STK32C: variants seen among roughly 807,000 people sequenced by gnomAD.
The protein encoded by STK32C is serine/threonine-protein kinase 32C.
STK32C carries 31 observed loss-of-function variants against 56.5 expected under a neutral mutation model. That is an observed-to-expected ratio of 0.55 (90% CI 0.41 to 0.74). STK32C has a LOEUF of 0.74. STK32C is among the 30% of genes least tolerant of loss of function. The pLI is 0.00. For missense variants in STK32C, 544 were observed against 676.9 expected (o/e 0.80, Z 2.18); for synonymous variants, 309 against 289.4 (o/e 1.07, Z -0.69).
chr10:132,249,115 C>T (rs774768998), intron 1 of STK32C: 12 of 443,348 alleles, frequency 2.7e-5, no homozygotes, highest in South Asian at 7.9e-5. Context: ...GCATGCGTGC[C>T]GGGGCGGGGC....
intron 1 of STK32C, among the ~76,000 whole-genome samples, chr10:132,288,605 A>G (rs1400367558): frequency 6.6e-6 from 1 of 152,234 alleles, no homozygotes; most frequent in Non-Finnish European, 1.5e-5. Context: ...AAATGTGTGA[A>G]TTTTATGTAA....
At chr10:132,319,151 G>C (rs2066359423), downstream of STK32C, among the ~76,000 whole-genome samples, 1 of 147,456 alleles carries the variant, frequency 6.8e-6, no homozygotes, top group Non-Finnish European at 1.5e-5. Context: ...GTTTCACCAT[G>C]TTGGCCAGGC....
chr10:132,283,863 G>C (rs905397035), intron 1 of STK32C, among the ~76,000 whole-genome samples: 22 of 152,142 alleles, frequency 1.4e-4, no homozygotes, highest in Non-Finnish European at 2.6e-4. Flanking sequence ...ACCCCAGACT[G>C]CCCAGGAGGC....
chr10:132,319,993 C>A (rs1014247142), downstream of STK32C, among the ~76,000 whole-genome samples: 4 of 142,166 alleles, frequency 2.8e-5, no homozygotes, highest in African/African-American at 7.8e-5. Context: ...GTTCAAGCAA[C>A]AATGAGAAAA....
chr10:132,236,053 T>C (rs529773504), intron 2 of STK32C, among the ~76,000 whole-genome samples: 6 of 152,250 alleles, frequency 3.9e-5, no homozygotes, highest in Non-Finnish European at 7.4e-5. Context: ...CCCGGGTGCT[T>C]GTGGGGGGTC....
Position 132,208,240 on chromosome 10 carries a change from G to A in STK32C, c.1320-89C>T, listed in dbSNP as rs967161256. 4 of 1,249,794 alleles carry A rather than the reference G, an allele frequency of 3.2e-6. No homozygotes were observed. In the African/African-American group the frequency reaches 4.6e-5, roughly 14 times the overall value. The allele number at this position is 1,249,794 out of a possible 1,614,324, so 77.4% of individuals were successfully genotyped here. On this transcript the variant is annotated intron_variant, in intron 11 of 11. Transcript: ENST00000298630. ...ACCTGCCCACGGGCTCATGGGGTAG[G>A]CCATGGCGTGGATGCCCAAACGTGG...
intron 1 of STK32C, among the ~76,000 whole-genome samples, chr10:132,269,237 C>CTGTGTGTGTCTCCGTGCATGTGTCTGTG (rs35082499): frequency 4.0e-5 from 6 of 151,864 alleles, no homozygotes; most frequent in African/African-American, 1.5e-4. Flanking sequence ...GTGCATGTGT[C>CTGTGTGTGTCTCCGTGCATGTGTCTGTG]TGTGTCTCCG....
At chr10:132,330,976 G>A (rs2066682002) in intron 1 of STK32C, among the ~76,000 whole-genome samples, 1 of 151,264 alleles carries the variant, frequency 6.6e-6, no homozygotes, top group South Asian at 2.1e-4. Context: ...GCCGAGGGGG[G>A]CGGATCATGA....
upstream of STK32C, among the ~76,000 whole-genome samples, chr10:132,308,543 A>G (rs12247664): frequency 4.7e-3 from 583 of 124,294 alleles, 2 homozygotes; most frequent in African/African-American, 0.017. Flanking sequence ...AGGAGGCGGC[A>G]GGCTGAGTCC....
upstream of STK32C, among the ~76,000 whole-genome samples, chr10:132,312,697 C>T (rs953284585): frequency 2.6e-5 from 4 of 152,258 alleles, no homozygotes; most frequent in Non-Finnish European, 4.4e-5. Context: ...AGCCCCCAAC[C>T]GATGGGACAG....
chr10:132,266,125 C>T (rs1355389110), intron 1 of STK32C, among the ~76,000 whole-genome samples: 7 of 152,306 alleles, frequency 4.6e-5, no homozygotes, highest in East Asian at 3.9e-4. Flanking sequence ...TATATCCATA[C>T]GATGGAATAC....
intron 2 of STK32C, among the ~76,000 whole-genome samples, chr10:132,236,952 G>GT (rs1447672499): frequency 6.6e-6 from 1 of 152,186 alleles, no homozygotes; most frequent in Non-Finnish European, 1.5e-5. Flanking sequence ...GCCAAGGTCT[G>GT]TAAGTACTAG....
chr10:132,269,833 G>T (rs2064758135), intron 1 of STK32C, among the ~76,000 whole-genome samples: 1 of 152,218 alleles, frequency 6.6e-6, no homozygotes, highest in African/African-American at 2.4e-5. Flanking sequence ...AGAGGTTGGT[G>T]TTGGGAGGAG....
At chr10:132,220,513 C>T (rs910416813) in intron 10 of STK32C, among the ~76,000 whole-genome samples, 1 of 152,204 alleles carries the variant, frequency 6.6e-6, no homozygotes, top group African/African-American at 2.4e-5. Context: ...GGGAACACCA[C>T]GTCCTCACAT....
chr10:132,281,048 A>C (rs903174649), intron 1 of STK32C, among the ~76,000 whole-genome samples: 1 of 145,390 alleles, frequency 6.9e-6, no homozygotes, highest in African/African-American at 2.6e-5. Flanking sequence ...CCGTGATCAC[A>C]CCCCTGCACT....
chr10:132,240,634 G>T (rs996286819), intron 2 of STK32C, among the ~76,000 whole-genome samples: 12 of 152,130 alleles, frequency 7.9e-5, no homozygotes, highest in Admixed American at 2.0e-4. Context: ...AAGGCCTTTT[G>T]ACCTGTTTTC....
At chr10:132,245,710 T>C (rs746105698) in intron 2 of STK32C, among the ~76,000 whole-genome samples, 190 bp downstream of exon 2, 1 of 152,240 alleles carries the variant, frequency 6.6e-6, no homozygotes, top group Non-Finnish European at 1.5e-5. Context: ...CCCAGTCTGA[T>C]GGCGGCACAG....
chr10:132,225,707 C>T, intron 5 of STK32C, 40 bp downstream of exon 5: 1 of 1,613,316 alleles, frequency 6.2e-7, no homozygotes, highest in Non-Finnish European at 8.5e-7. Flanking sequence ...CCCATCCCTG[C>T]CACCACCCAC....
chr10:132,216,067 A>G (rs894792321), intron 10 of STK32C, among the ~76,000 whole-genome samples: 2 of 152,266 alleles, frequency 1.3e-5, no homozygotes, highest in African/African-American at 4.8e-5. Context: ...ATTTCTAAGC[A>G]GCAAAGCATT....
Sources: gnomAD v4.1 joint callset for allele counts (sites outside exome capture counted in the v4.1 genomes callset) on GRCh38, gnomAD v4.1.1 for gene constraint, MANE v1.5 for transcripts, NCBI Gene and HGNC (gene_info 2026-07-23, HGNC 2026-07-21) for gene names.